The following AFAP1L1 variants were observed in gnomAD, a reference collection of about 807,000 sequenced individuals.
AFAP1L1 encodes actin filament associated protein 1 like 1.
AFAP1L1 carries 77 observed loss-of-function variants against 99.8 expected under a neutral mutation model. The ratio of observed to expected loss-of-function variants is 0.77; its 90% CI spans 0.64 to 0.93. The LOEUF (loss-of-function observed/expected upper bound fraction) is 0.93, where lower values mean the gene tolerates loss of function less well. AFAP1L1 is among the 40% of genes least tolerant of loss of function. AFAP1L1 has a pLI of 0.00. For missense variants in AFAP1L1, 893 were observed against 996.8 expected, an observed-to-expected ratio of 0.90 and a Z score of 1.40; for synonymous variants, 373 against 395.3, an observed-to-expected ratio of 0.94 and a Z score of 0.67.
At chr5:149,300,981 A>T in intron 3 of AFAP1L1, 152 bp from the exon 4 acceptor site, 1 of 592,746 alleles carries the variant, frequency 1.7e-6, no homozygotes, top group African/African-American at 1.8e-5. Context: ...GATGAGTTTC[A>T]GAGTCAAAAG....
intron 1 of AFAP1L1, among the ~76,000 whole-genome samples, chr5:149,279,039 A>G (rs1045664101): frequency 6.6e-6 from 1 of 152,222 alleles, no homozygotes; most frequent in Non-Finnish European, 1.5e-5. Flanking sequence ...TTTTGAGCTC[A>G]TCTTATTCAC....
intron 5 of AFAP1L1, among the ~76,000 whole-genome samples, chr5:149,302,915 C>G (rs1756278652): frequency 6.6e-6 from 1 of 152,180 alleles, no homozygotes; most frequent in Non-Finnish European, 1.5e-5. Context: ...AACCCAAGTG[C>G]TCCTCTTGAG....
chr5:149,290,083 ATT>A (rs1755805152), intron 1 of AFAP1L1, among the ~76,000 whole-genome samples: 1 of 152,116 alleles, frequency 6.6e-6, no homozygotes, highest in Admixed American at 6.5e-5. Context: ...AATACAAAAA[ATT>A]AGCCGGGCGT....
rs1202128303 is a variant in AFAP1L1, at chr5:149,271,885, T to A, written c.-84T>A. ...GAGAGCGCCGGCCGCTGGGCTGGCC[T>A]GAGAGCGCAGCGCGCCGGCCGCTAC... On this transcript the variant is annotated 5_prime_UTR_variant, in exon 1 of 19. Coordinates refer to ENST00000296721, the MANE Select transcript of AFAP1L1 (RefSeq NM_152406.4). The A allele has an allele frequency of 3.7e-6, 4 of 1,078,772 alleles. No individual in the cohort carries two copies. The highest frequency in any genetic ancestry group is 3.7e-5 in the East Asian group (1 of 26,736). 66.8% of individuals were successfully genotyped at this position (1,078,772 alleles called of 1,614,324 possible). A position where few individuals can be genotyped will look rare whatever the true frequency, so the allele number is the denominator to read the frequency against.
chr5:149,312,069 G>GC, intron 8 of AFAP1L1, 43 bp from the exon 9 acceptor site: 1 of 1,576,742 alleles, frequency 6.3e-7, no homozygotes, highest in Non-Finnish European at 8.7e-7. Flanking sequence ...TGCATCAACA[G>GC]CTTCCCTGCC....
rs939455031 is a variant in AFAP1L1, at chr5:149,320,564, T to C, written c.1698+101T>C. 3 of 1,132,980 alleles carry C rather than the reference T, an allele frequency of 2.6e-6. No individual in the cohort carries two copies. Among genetic ancestry groups the C allele is most frequent in the Admixed American group, 1.9e-5 (1 of 52,066 alleles). 70.2% of individuals were successfully genotyped at this position (1,132,980 alleles called of 1,614,324 possible). A position where few individuals can be genotyped will look rare whatever the true frequency, so the allele number is the denominator to read the frequency against. ...TTCTGCCTCAGAAAGATCATTTTCA[T>C]TTAAGCAGCAGTAGCTAGAAGGGGA... On this transcript the variant is annotated intron_variant, in intron 14 of 18. Transcript: ENST00000296721. The surrounding 1 kb of genome is among the most constrained non-coding windows in gnomAD (Gnocchi z 4.0).
chr5:149,316,228 A>C lies in AFAP1L1; in HGVS notation c.1192A>C (p.Ile398Leu), dbSNP rs1756792159. 1 of 1,613,960 alleles carries C rather than the reference A, an allele frequency of 6.2e-7. No homozygotes were observed. Among genetic ancestry groups the C allele is most frequent in the Non-Finnish European group, 8.5e-7 (1 of 1,180,016 alleles). ...RAAGRKITRI[I>L]GFSKKKTLAD... Reference sequence around the variant, plus strand: ...TGCGGGCCGCAAGATCACCCGTATCATTGGCTTCTCCAAGAAGAAGACACT... The same window carrying C: ...TGCGGGCCGCAAGATCACCCGTATCCTTGGCTTCTCCAAGAAGAAGACACT... The change falls in exon 11 of 19, where the codon ATT becomes CTT. Residue 398 changes from isoleucine (I) to leucine (L), a missense_variant. Transcript: ENST00000296721.
chr5:149,283,490 T>C (rs1015921962), intron 1 of AFAP1L1, among the ~76,000 whole-genome samples: 26 of 152,218 alleles, frequency 1.7e-4, no homozygotes, highest in Admixed American at 6.5e-5. Flanking sequence ...TTTTATTTCA[T>C]TGATACAAAG....
In AFAP1L1 at chr5:149,316,252, C is replaced by T; in HGVS notation, c.1216C>T (p.Leu406=). ...RIIGFSKKKT[L]ADDLQTSSTE... is the part of the protein sequence containing the mutation. The stretch of plus-strand genomic sequence containing the variant: ...CATTGGCTTCTCCAAGAAGAAGACA[C>T]TGGCCGATGACCTGCAGACGTCCTC... Residue 406 remains leucine (L), a synonymous_variant, in exon 11 of 19, where the codon CTG becomes TTG. Coordinates refer to ENST00000296721, the MANE Select transcript of AFAP1L1 (RefSeq NM_152406.4). 6.2e-7 allele frequency: 1 copy of T among 1,614,084 alleles called. No homozygotes were observed. The highest frequency in any genetic ancestry group is 2.2e-5 in the East Asian group (1 of 44,870).
At position 149,279,759 on chromosome 5, in the gene AFAP1L1, A is replaced by T. The variant is rs138734954; in HGVS notation, c.16+7775A>T. Among the ~76,000 whole-genome samples, 577 of 152,138 alleles carry T rather than the reference A, an allele frequency of 3.8e-3. 4 individuals carry two copies. Among genetic ancestry groups the T allele is most frequent in the African/African-American group, 0.011 (447 of 41,512 alleles). On this transcript the variant is annotated intron_variant, in intron 1 of 18. Transcript: ENST00000296721. ...CTACCTCTTGCCCTGGGCTCTTCTC[A>T]CACTGGCCCTGCTCCTTGCAGCTTT...
intron 9 of AFAP1L1, chr5:149,312,431 G>A (rs1756665055): frequency 1.7e-6 from 1 of 584,496 alleles, no homozygotes; most frequent in South Asian, 1.9e-5. Flanking sequence ...GCCAGAGGAG[G>A]GAGTGATGCA....
chr5:149,339,178 C>CTTTTTT (rs35468603), intron 18 of AFAP1L1, among the ~76,000 whole-genome samples: 4 of 126,140 alleles, frequency 3.2e-5, no homozygotes, highest in Non-Finnish European at 3.3e-5. Context: ...CCCAATAAAG[C>CTTTTTT]TTTTTTTTTT....
intron 9 of AFAP1L1, among the ~76,000 whole-genome samples, chr5:149,314,349 G>A (rs1045602738): frequency 2.0e-4 from 31 of 152,120 alleles, no homozygotes; most frequent in African/African-American, 7.5e-4. Context: ...TGTGTAGAGG[G>A]GAAGAAGAAG....
intron 5 of AFAP1L1, among the ~76,000 whole-genome samples, chr5:149,305,368 G>A (rs1318698477): frequency 1.3e-5 from 2 of 152,206 alleles, no homozygotes; most frequent in African/African-American, 4.8e-5. Context: ...GGGACTGCCT[G>A]CATCAAAATA....
intron 7 of AFAP1L1, among the ~76,000 whole-genome samples, 197 bp downstream of exon 7, chr5:149,307,810 GCC>G (rs1756470078): frequency 2.9e-5 from 1 of 33,982 alleles, no homozygotes; most frequent in Admixed American, 3.2e-4. Context: ...CACACCCTGT[GCC>G]TCTCTTTCTC....
chr5:149,308,500 A>T (rs1052027932), intron 7 of AFAP1L1, among the ~76,000 whole-genome samples: 13 of 152,192 alleles, frequency 8.5e-5, no homozygotes, highest in Admixed American at 7.9e-4. Flanking sequence ...CTCTCATCCT[A>T]TCATTTCATA....
Position 149,342,385 on chromosome 5 carries a change from C to T in AFAP1L1, c.*2355C>T, listed in dbSNP as rs1344193745. Among the ~76,000 whole-genome samples, 1 of 152,098 alleles carries T rather than the reference C, an allele frequency of 6.6e-6. No individual in the cohort carries two copies. The highest frequency in any genetic ancestry group is 1.5e-5 in the Non-Finnish European group (1 of 68,020). Reference sequence around the variant, plus strand: ...TCTTATATTTACATGCTGGTGGAGCCAGCATGTGAATATAAGAAGTCTGAC... The same window carrying T: ...TCTTATATTTACATGCTGGTGGAGCTAGCATGTGAATATAAGAAGTCTGAC... On this transcript the variant is annotated 3_prime_UTR_variant, in exon 19 of 19. Transcript: ENST00000296721.
chr5:149,341,651 G>A lies in AFAP1L1; in HGVS notation c.*1621G>A, dbSNP rs1261057120. ...ACTCGCCTGTAGTCCCAGCTACTCA[G>A]GAGGCTGAGGCAGGAGGACCGCTTG... is the stretch of plus-strand genomic sequence containing the variant. On this transcript the variant is annotated 3_prime_UTR_variant, in exon 19 of 19. Transcript: ENST00000296721. The A allele has an allele frequency of 2.0e-5, 3 of 152,266 alleles. No individual in the cohort carries two copies. Among genetic ancestry groups the A allele is most frequent in the Non-Finnish European group, 4.4e-5 (3 of 68,116 alleles). 9.4% of individuals were successfully genotyped at this position (152,266 alleles called of 1,614,324 possible). A position where few individuals can be genotyped will look rare whatever the true frequency, so the allele number is the denominator to read the frequency against.
intron 9 of AFAP1L1, 171 bp downstream of exon 9, chr5:149,312,375 A>C: frequency 1.4e-6 from 1 of 695,232 alleles, no homozygotes; most frequent in Non-Finnish European, 2.6e-6. Flanking sequence ...TCCTGAATTC[A>C]TGAATGCATG....
Sources: gnomAD v4.1 joint callset for allele counts (sites outside exome capture counted in the v4.1 genomes callset) on GRCh38, gnomAD v4.1.1 for gene constraint, Gnocchi (gnomAD v3.1) non-coding constraint, MANE v1.5 for transcripts, NCBI Gene and HGNC (gene_info 2026-07-23, HGNC 2026-07-21) for gene names.